The following ELAPOR2 variants were observed in gnomAD, a reference collection of about 807,000 sequenced individuals.
ELAPOR2 encodes the protein endosome-lysosome associated apoptosis and autophagy regulator family member 2, also known as endosome/lysosome-associated apoptosis and autophagy regulator family member 2.
Under a neutral mutation model 120.7 loss-of-function variants are expected in ELAPOR2, and 89 were observed. That is an observed-to-expected ratio of 0.74 (90% CI 0.62 to 0.88). The LOEUF (loss-of-function observed/expected upper bound fraction) is 0.88, where lower values mean the gene tolerates loss of function less well. Ranked by LOEUF, ELAPOR2 falls within the 40% of genes least tolerant of loss-of-function variation. ELAPOR2 has a pLI of 0.00. For missense variants in ELAPOR2, 1,134 were observed against 1,251.6 expected (o/e 0.91, Z 1.42); for synonymous variants, 444 against 444.9 (o/e 1.00, Z 0.03).
At chr7:86,961,546 G>T (rs1230039122) in intron 2 of ELAPOR2, among the ~76,000 whole-genome samples, 1 of 152,212 alleles carries the variant, frequency 6.6e-6, no homozygotes, top group African/African-American at 2.4e-5. Context: ...AAAGGGCTTT[G>T]TCCCAAATGA....
At chr7:87,047,720 A>T (rs1584042735) in intron 1 of ELAPOR2, among the ~76,000 whole-genome samples, 1 of 152,194 alleles carries the variant, frequency 6.6e-6, no homozygotes, top group African/African-American at 2.4e-5. Flanking sequence ...TACACTGTTG[A>T]TGGGAATGTA....
intron 1 of ELAPOR2, among the ~76,000 whole-genome samples, chr7:87,011,680 T>C (rs1450586806): frequency 1.3e-5 from 2 of 152,346 alleles, no homozygotes; most frequent in South Asian, 2.1e-4. Flanking sequence ...CAACCACCTA[T>C]AATGAGAAAT....
At chr7:86,969,024 T>G (rs1423361836) in intron 1 of ELAPOR2, among the ~76,000 whole-genome samples, 1 of 152,098 alleles carries the variant, frequency 6.6e-6, no homozygotes, top group African/African-American at 2.4e-5. Context: ...AAATAGAACA[T>G]GGAATTACTC....
rs139950115 is a variant in ELAPOR2, at chr7:86,987,122, C to A, written c.190-22098G>T. ...AGGATTTCCTATTTAATAAATGGTG[C>A]TGGGAAAACTGGGTAGTCATATGTA... On this transcript the variant is annotated intron_variant, in intron 1 of 21. Transcript: ENST00000450689. Among the ~76,000 whole-genome samples, 1,187 of 152,176 alleles carry A rather than the reference C, an allele frequency of 7.8e-3. 18 individuals carry two copies. The highest frequency in any genetic ancestry group is 0.051 in the East Asian group (265 of 5,178).
intron 21 of ELAPOR2, 94 bp downstream of exon 21, chr7:86,891,629 TG>T (rs899168688): frequency 9.9e-7 from 1 of 1,013,490 alleles, no homozygotes. Flanking sequence ...GATATAAACA[TG>T]CAAAATAACA....
At chr7:87,058,280 T>G (rs1486658020) in intron 1 of ELAPOR2, among the ~76,000 whole-genome samples, 1 of 152,238 alleles carries the variant, frequency 6.6e-6, no homozygotes, top group African/African-American at 2.4e-5. Context: ...CAAGAGGGTC[T>G]GGCCTTTCTT....
At chr7:86,970,500 T>C (rs1363424319) in intron 1 of ELAPOR2, among the ~76,000 whole-genome samples, 2 of 152,106 alleles carry the variant, frequency 1.3e-5, no homozygotes, top group Non-Finnish European at 1.5e-5. Flanking sequence ...GGCACACTTA[T>C]TTGAGAGAGC....
intron 1 of ELAPOR2, among the ~76,000 whole-genome samples, chr7:86,976,809 T>A (rs1329939793): frequency 6.6e-6 from 1 of 152,212 alleles, no homozygotes; most frequent in African/African-American, 2.4e-5. Flanking sequence ...AAAATCCGAC[T>A]AATGCTCCAG....
intron 1 of ELAPOR2, among the ~76,000 whole-genome samples, chr7:86,970,886 T>C (rs1792085060): frequency 6.6e-6 from 1 of 152,208 alleles, no homozygotes; most frequent in Non-Finnish European, 1.5e-5. Flanking sequence ...GTTCAATGTC[T>C]ATCTTTGTAA....
At chr7:86,966,544 C>T (rs1185230620) in intron 1 of ELAPOR2, among the ~76,000 whole-genome samples, 2 of 152,170 alleles carry the variant, frequency 1.3e-5, no homozygotes, top group Non-Finnish European at 2.9e-5. Context: ...TCAAAATTCT[C>T]CCAGCCTCTG....
At chr7:87,046,475 C>A (rs185747894) in intron 1 of ELAPOR2, among the ~76,000 whole-genome samples, 49 of 152,220 alleles carry the variant, frequency 3.2e-4, no homozygotes, top group South Asian at 8.3e-4. Context: ...CCACAAAAGA[C>A]CCCGAATAGC....
At chr7:86,979,961 TA>T (rs1792409425) in intron 1 of ELAPOR2, among the ~76,000 whole-genome samples, 1 of 152,154 alleles carries the variant, frequency 6.6e-6, no homozygotes, top group Admixed American at 6.5e-5. Flanking sequence ...TTCAGGCTGC[TA>T]AAAGCCTAAA....
chr7:86,909,112 C>T (rs1789172460), intron 16 of ELAPOR2, among the ~76,000 whole-genome samples: 1 of 151,842 alleles, frequency 6.6e-6, no homozygotes, highest in South Asian at 2.1e-4. Context: ...CTTCAGAGTT[C>T]CCAATCTGAG....
At chr7:86,975,162 T>C (rs570134346) in intron 1 of ELAPOR2, among the ~76,000 whole-genome samples, 2 of 152,256 alleles carry the variant, frequency 1.3e-5, no homozygotes, top group Admixed American at 6.5e-5. Context: ...TAACTCCACA[T>C]CTGAATTCAG....
intron 21 of ELAPOR2, among the ~76,000 whole-genome samples, chr7:86,882,022 T>C (rs1584297232): frequency 6.6e-6 from 1 of 152,156 alleles, no homozygotes; most frequent in Non-Finnish European, 1.5e-5. Context: ...AAAAACATCA[T>C]AGCATACACA....
At chr7:86,933,215 T>A (rs748933840) in intron 8 of ELAPOR2, among the ~76,000 whole-genome samples, 10 of 151,962 alleles carry the variant, frequency 6.6e-5, no homozygotes, top group Non-Finnish European at 1.2e-4. Context: ...ATTAGTCATA[T>A]ATCCACTTAA....
intron 4 of ELAPOR2, among the ~76,000 whole-genome samples, chr7:86,944,030 A>T (rs1790903658): frequency 6.6e-6 from 1 of 152,046 alleles, no homozygotes; most frequent in Non-Finnish European, 1.5e-5. Context: ...CTCTCTTGCT[A>T]CCAAACTTCT....
chr7:86,958,681 A>T (rs1432334625), intron 2 of ELAPOR2, among the ~76,000 whole-genome samples: 1 of 152,152 alleles, frequency 6.6e-6, no homozygotes, highest in African/African-American at 2.4e-5. Flanking sequence ...TATACCTGGA[A>T]TGTCACTTGC....
At chr7:86,894,523 T>C (rs1788346936) in intron 19 of ELAPOR2, among the ~76,000 whole-genome samples, 1 of 152,018 alleles carries the variant, frequency 6.6e-6, no homozygotes, top group Non-Finnish European at 1.5e-5. Flanking sequence ...CTGATGACAG[T>C]CTTATAACAA....
Sources: allele counts gnomAD v4.1 joint callset (sites outside exome capture counted in the v4.1 genomes callset), GRCh38; gene constraint gnomAD v4.1.1; transcripts MANE v1.5; gene names NCBI Gene and HGNC (gene_info 2026-07-23, HGNC 2026-07-21).